Variants in CD8B2 observed in about 807,000 individuals in gnomAD.
CD8B2 encodes CD8B family member 2, also known as T-cell surface glycoprotein CD8 beta-2 chain.
CD8B2 carries 11 observed loss-of-function variants against 23.7 expected under a neutral mutation model. The ratio of observed to expected loss-of-function variants is 0.46; its 90% CI spans 0.29 to 0.77. CD8B2 has a LOEUF of 0.77. Among genes scored for constraint, CD8B2 ranks in the 30% least tolerant of loss-of-function variants. The pLI is 0.09. For synonymous variants in CD8B2, 90 were observed against 109.3 expected (o/e 0.82, Z 1.10); for missense variants, 197 against 270.5 (o/e 0.73, Z 1.91).
At chr2:106,528,303 C>T (rs78234252) in intron 5 of CD8B2, among the ~76,000 whole-genome samples, 4,869 of 152,190 alleles carry the variant, frequency 0.032, 98 homozygotes, top group Non-Finnish European at 0.047. Flanking sequence ...AGAAGATTGC[C>T]TAAACCAAGA....
intron 3 of CD8B2, among the ~76,000 whole-genome samples, chr2:106,499,446 C>T (rs1218699734): frequency 4.7e-5 from 7 of 150,174 alleles, no homozygotes; most frequent in Non-Finnish European, 1.0e-4. Flanking sequence ...GCAGGAGAAT[C>T]GCTTGAACCC....
rs557736673 is a variant in CD8B2 at position 106,520,588 on chromosome 2, T to G, written c.620+16263T>G. Among the ~76,000 whole-genome samples the G allele has an allele frequency of 2.0e-5, 3 of 151,804 alleles. No homozygotes were observed. In the South Asian group the frequency reaches 6.3e-4, roughly 32 times the overall value. On this transcript the variant is annotated intron_variant, in intron 5 of 5. Coordinates refer to the CD8B2 transcript ENST00000416057. Reference sequence around the variant, plus strand: ...TAAGGACATGAACACACACAAGGAGTGAGTTTAAGAGTAGAGGATTAGGCC... The same window carrying G: ...TAAGGACATGAACACACACAAGGAGGGAGTTTAAGAGTAGAGGATTAGGCC...
intron 1 of CD8B2, among the ~76,000 whole-genome samples, chr2:106,490,390 G>A (rs986285765): frequency 1.3e-5 from 2 of 152,116 alleles, no homozygotes; most frequent in African/African-American, 4.8e-5. Context: ...ATCCTTTTGT[G>A]GTGGTACATG....
At chr2:106,516,753 C>G (rs777715779) in intron 5 of CD8B2, among the ~76,000 whole-genome samples, 1 of 152,008 alleles carries the variant, frequency 6.6e-6, no homozygotes, top group African/African-American at 2.4e-5. Flanking sequence ...TTATACCACA[C>G]ATATAACTTG....
Position 106,506,820 on chromosome 2 carries a change from T to C in CD8B2, c.621-108T>C. On this transcript the variant is annotated intron_variant, in intron 5 of 5. Transcript: ENST00000643224. The stretch of plus-strand genomic sequence containing the variant: ...TAACAAAAAACTCTCGGCCCCAGGC[T>C]ACTTGGAGTAGAACTCTGCATTCTC... The C allele has an allele frequency of 2.0e-6, 3 of 1,500,604 alleles. No individual in the cohort carries two copies. In the South Asian group the frequency reaches 3.8e-5, roughly 19 times the overall value. 93.0% of individuals were successfully genotyped at this position (1,500,604 alleles called of 1,614,324 possible).
At chr2:106,528,138 T>C (rs1679940765) in intron 5 of CD8B2, among the ~76,000 whole-genome samples, 1 of 152,242 alleles carries the variant, frequency 6.6e-6, no homozygotes, top group Non-Finnish European at 1.5e-5. Context: ...ATATTGAACA[T>C]ATTTTAATGT....
In CD8B2 at chr2:106,487,443, G is replaced by A; in HGVS notation, c.17G>A (p.Trp6Ter). 2 of 1,248,920 alleles carry A rather than the reference G, an allele frequency of 1.6e-6. No individual in the cohort carries two copies. The highest frequency in any genetic ancestry group is 2.0e-6 in the Non-Finnish European group (2 of 998,318). 77.4% of individuals were successfully genotyped at this position (1,248,920 alleles called of 1,614,324 possible). MRPRL[W>*]LLLAAQLTVL... ...CGCGCCCCGATGCGGCCGCGGCTGT[G>A]GCTCCTCCTGGCCGCGCAGCTGACA... Residue 6 changes from tryptophan (W) to a stop codon, truncating the protein, a stop_gained, in exon 1 of 6, where the codon TGG (tryptophan) becomes TAG (stop). Transcript: ENST00000643224. LOFTEE classifies it high-confidence loss of function.
At chr2:106,516,977 CAT>C (rs1679739144) in intron 5 of CD8B2, among the ~76,000 whole-genome samples, 1 of 146,298 alleles carries the variant, frequency 6.8e-6, no homozygotes, top group African/African-American at 2.5e-5. Context: ...ATATATATTT[CAT>C]ATATGAAGAT....
intron 5 of CD8B2, among the ~76,000 whole-genome samples, chr2:106,529,904 T>C (rs1679968188): frequency 6.6e-6 from 1 of 152,240 alleles, no homozygotes; most frequent in South Asian, 2.1e-4. Flanking sequence ...TTTCCAGTAC[T>C]GCAGGTGTAG....
Position 106,490,039 on chromosome 2 carries a change from C to T in CD8B2, c.44-835C>T, listed in dbSNP as rs185313900. On this transcript the variant is annotated intron_variant, in intron 1 of 5. Transcript: ENST00000643224. ...GTGTCTGTCCTTCCACTGGGGAATACGGATCCAGTGACCCATCAGTTGCTG... is the reference window on the plus strand; with the variant it reads ...GTGTCTGTCCTTCCACTGGGGAATATGGATCCAGTGACCCATCAGTTGCTG... Among the ~76,000 whole-genome samples the T allele has an allele frequency of 4.6e-5, 7 of 152,094 alleles. No individual in the cohort carries two copies. In the South Asian group the frequency reaches 8.4e-4, roughly 18 times the overall value.
chr2:106,510,821 C>T lies in CD8B2; in HGVS notation c.*3881C>T, dbSNP rs1679618207. ...AAATTGAAATCTCGAGAATATAATA[C>T]ATAAAATAGAGAATATAGAAAATTA... On this transcript the variant is annotated 3_prime_UTR_variant, in exon 6 of 6. Coordinates refer to ENST00000643224, the MANE Select transcript of CD8B2 (RefSeq NM_001349727.2). 6.6e-6 allele frequency: 1 copy of T among 151,794 alleles called. No homozygotes were observed. Among genetic ancestry groups the T allele is most frequent in the Non-Finnish European group, 1.5e-5 (1 of 67,978 alleles). The allele number at this position is 151,794 out of a possible 1,614,324, so 9.4% of individuals were successfully genotyped here.
rs1680006147 is a variant in CD8B2 at position 106,532,685 on chromosome 2, C to CCATATAGGGCAA, written c.621-11307_621-11306insCATATAGGGCAA. ...TCCATTTTTAGACCATATAGGGTAA[C>CCATATAGGGCAA]TTCCTGGCATTGCCATGGCATCTGT... On this transcript the variant is annotated intron_variant, in intron 5 of 5. Transcript: ENST00000416057. Among the ~76,000 whole-genome samples, 19 of 152,322 alleles carry CCATATAGGGCAA rather than the reference C, an allele frequency of 1.2e-4. No individual in the cohort carries two copies. The South Asian group carries it at 3.9e-3, about 32-fold the overall frequency.
intron 5 of CD8B2, among the ~76,000 whole-genome samples, chr2:106,528,618 C>T (rs567662402): frequency 6.6e-6 from 1 of 152,280 alleles, no homozygotes; most frequent in East Asian, 1.9e-4. Flanking sequence ...TTAAGAACAA[C>T]TCGTACAATG....
chr2:106,538,983 C>G (rs561795891), intron 5 of CD8B2, among the ~76,000 whole-genome samples: 53 of 152,332 alleles, frequency 3.5e-4, no homozygotes, highest in African/African-American at 1.2e-3. Context: ...GAACTAGTGA[C>G]ACATGAGGAC....
In CD8B2 at chr2:106,506,840, A is replaced by G; in HGVS notation, c.621-88A>G. 22 of 1,598,712 alleles carry G rather than the reference A, an allele frequency of 1.4e-5. No homozygotes were observed. The South Asian group carries it at 2.2e-4, about 16-fold the overall frequency. On this transcript the variant is annotated intron_variant, in intron 5 of 5. Coordinates refer to ENST00000643224, the MANE Select transcript of CD8B2 (RefSeq NM_001349727.2). Reference sequence around the variant, plus strand: ...CAGGCTACTTGGAGTAGAACTCTGCATTCTCACTTGCCATTTGTCTCTGTT... The same window carrying G: ...CAGGCTACTTGGAGTAGAACTCTGCGTTCTCACTTGCCATTTGTCTCTGTT...
At chr2:106,526,568 G>A (rs913331571) in intron 5 of CD8B2, among the ~76,000 whole-genome samples, 4 of 152,186 alleles carry the variant, frequency 2.6e-5, no homozygotes. Flanking sequence ...TTTTCAAGTT[G>A]TATACACGTT....
At chr2:106,505,427 T>C (rs538652249) in intron 5 of CD8B2, among the ~76,000 whole-genome samples, 4 of 151,546 alleles carry the variant, frequency 2.6e-5, no homozygotes, top group Non-Finnish European at 5.9e-5. Context: ...AAGTCTCGGA[T>C]TTCTCGTCTG....
At chr2:106,503,851 A>T (rs1158560804) in intron 4 of CD8B2, among the ~76,000 whole-genome samples, 1 of 152,252 alleles carries the variant, frequency 6.6e-6, no homozygotes, top group Non-Finnish European at 1.5e-5. Context: ...CCTAACTCCC[A>T]GTGGGAAATC....
At chr2:106,525,221 T>G (rs1361883464) in intron 5 of CD8B2, among the ~76,000 whole-genome samples, 1 of 152,068 alleles carries the variant, frequency 6.6e-6, no homozygotes, top group Non-Finnish European at 1.5e-5. Context: ...TCCATAAATC[T>G]TGTCCACGCT....
Sources: allele counts gnomAD v4.1 joint callset (sites outside exome capture counted in the v4.1 genomes callset), GRCh38; gene constraint gnomAD v4.1.1; transcripts MANE v1.5; gene names NCBI Gene and HGNC (gene_info 2026-07-23, HGNC 2026-07-21).